Variants in AGPAT3 observed in about 807,000 individuals in gnomAD.
The protein encoded by AGPAT3 is 1-acylglycerol-3-phosphate O-acyltransferase 3, also known as 1-acyl-sn-glycerol-3-phosphate acyltransferase gamma.
In AGPAT3, 5 loss-of-function variants were observed where a neutral mutation model predicts 47.3. That is an observed-to-expected ratio of 0.11 (90% CI 0.06 to 0.22). The LOEUF is 0.22. AGPAT3 is among the 10% of genes least tolerant of loss of function. The pLI is 1.00. For missense variants in AGPAT3, 315 were observed against 493.0 expected (o/e 0.64, Z 3.42); for synonymous variants, 212 against 208.3 (o/e 1.02, Z -0.15).
intron 8 of AGPAT3, among the ~76,000 whole-genome samples, chr21:43,979,313 AAAAGAAAGAAAAAAAAAG>A (rs2089751567): frequency 6.9e-6 from 1 of 145,820 alleles, no homozygotes; most frequent in Non-Finnish European, 1.5e-5. Context: ...AAAAAAAAAA[AAAAGAAAGAAAAAAAAAG>A]AAAGAAAAAA....
chr21:43,970,685 G>A lies in AGPAT3; in HGVS notation c.543G>A (p.Thr181=), dbSNP rs368864417. 6.8e-6 allele frequency: 11 copies of A among 1,613,774 alleles called. No homozygotes were observed. The highest frequency in any genetic ancestry group is 4.5e-5 in the East Asian group (2 of 44,858). ...FLLYCEGTRF[T]ETKHRVSMEV... ...TGTACTGCGAGGGGACGCGCTTCAC[G>A]GAGACCAAGCACCGCGTTAGCATGG... is the stretch of plus-strand genomic sequence containing the variant. The change falls in exon 6 of 10, where the codon ACG becomes ACA. Residue 181 remains threonine, a synonymous_variant. Coordinates refer to ENST00000291572, the MANE Select transcript of AGPAT3 (RefSeq NM_020132.5). The surrounding 1 kb of genome is among the most constrained non-coding windows in gnomAD (Gnocchi z 5.8).
intron 5 of AGPAT3, among the ~76,000 whole-genome samples, chr21:43,969,516 T>C (rs562946898): frequency 3.0e-4 from 45 of 152,312 alleles, no homozygotes; most frequent in Admixed American, 2.5e-3. Flanking sequence ...TAAGGGGATC[T>C]GGCCGGGGGA....
chr21:43,966,484 C>T (rs941531371), intron 3 of AGPAT3: 5 of 152,286 alleles, frequency 3.3e-5, no homozygotes, highest in African/African-American at 1.2e-4. Flanking sequence ...TGACCTTTCT[C>T]TTTTAAAGGA....
rs961398954 is a variant in AGPAT3 at position 43,939,044 on chromosome 21, A to G, written c.-48-20590A>G. ...CTCAGTCCACAGTTTCCCACAGAGC[A>G]CGCAGGGGCCGCACCAGGGCTGGGA... On this transcript the variant is annotated intron_variant, in intron 2 of 9. Transcript: ENST00000291572. The surrounding 1 kb of genome is among the most constrained non-coding windows in gnomAD (Gnocchi z 4.4). Among the ~76,000 whole-genome samples, 5 of 152,174 alleles carry G rather than the reference A, an allele frequency of 3.3e-5. No homozygotes were observed. The highest frequency in any genetic ancestry group is 1.2e-4 in the African/African-American group (5 of 41,442).
rs1185496006 is a variant in AGPAT3, at chr21:43,958,965, G to GGT, written c.-48-661_-48-660dup. Among the ~76,000 whole-genome samples the GGT allele has an allele frequency of 7.1e-5, 9 of 127,590 alleles. No homozygotes were observed. The East Asian group carries it at 2.2e-3, about 31-fold the overall frequency. 83.7% of individuals were successfully genotyped at this position (127,590 alleles called of 152,430 possible). ...GTGTGTGGCGTGTATGTGGTTTTGC[G>GGT]GTGTGTGTGGCATGTGTGTGGTTTG... On this transcript the variant is annotated intron_variant, in intron 2 of 9. Transcript: ENST00000291572.
In AGPAT3 at chr21:43,934,218, C is replaced by G. The variant is rs1309878126; in HGVS notation, c.-48-25416C>G. On this transcript the variant is annotated intron_variant, in intron 2 of 9. Transcript: ENST00000291572. This position sits in a 1 kb window ranked among gnomAD's most constrained non-coding sequence, Gnocchi z 4.7. Reference sequence around the variant, plus strand: ...CTCCCATATGCCAGTCCCCTGAGAACCAGCTCCCTGAGCACGCCAGCCCCC... The same window carrying G: ...CTCCCATATGCCAGTCCCCTGAGAAGCAGCTCCCTGAGCACGCCAGCCCCC... Among the ~76,000 whole-genome samples the G allele has an allele frequency of 6.6e-6, 1 of 152,240 alleles. No homozygotes were observed. The highest frequency in any genetic ancestry group is 2.4e-5 in the African/African-American group (1 of 41,470).
chr21:43,926,390 G>A (rs1459673236), intron 2 of AGPAT3, among the ~76,000 whole-genome samples: 1 of 152,204 alleles, frequency 6.6e-6, no homozygotes, highest in Admixed American at 6.5e-5. Flanking sequence ...CAGCGGGGTG[G>A]TCCAGCAGGG....
intron 1 of AGPAT3, among the ~76,000 whole-genome samples, chr21:43,876,532 AG>A (rs1011430994): frequency 6.6e-6 from 1 of 152,260 alleles, no homozygotes; most frequent in African/African-American, 2.4e-5. Context: ...GGGCTCACAA[AG>A]GGGATGTCTA....
chr21:43,944,529 C>T (rs989037204), intron 2 of AGPAT3, among the ~76,000 whole-genome samples: 2 of 152,176 alleles, frequency 1.3e-5, no homozygotes, highest in Non-Finnish European at 2.9e-5. Context: ...CCAGCAAGGC[C>T]GCCCCTCCTC....
At chr21:43,885,636 G>A (rs2085958649) in intron 1 of AGPAT3, among the ~76,000 whole-genome samples, 1 of 152,032 alleles carries the variant, frequency 6.6e-6, no homozygotes. Flanking sequence ...CACCCGCCTT[G>A]GCCTCCCAAA....
intron 1 of AGPAT3, among the ~76,000 whole-genome samples, chr21:43,875,736 T>G (rs912606599): frequency 1.3e-5 from 2 of 152,074 alleles, no homozygotes; most frequent in African/African-American, 4.8e-5. Flanking sequence ...GCCTGAAGAG[T>G]AGCTGGGATT....
Position 43,912,582 on chromosome 21 carries a change from G to A in AGPAT3, c.-49+8563G>A, listed in dbSNP as rs2086651350. ...TGCAGGAAGTGCCCTGAGGAACGGGGCCTCATGCCTACTTCTTTCTTAATC... is the reference window on the plus strand; with the variant it reads ...TGCAGGAAGTGCCCTGAGGAACGGGACCTCATGCCTACTTCTTTCTTAATC... On this transcript the variant is annotated intron_variant, in intron 2 of 9. Transcript: ENST00000291572. Among the ~76,000 whole-genome samples, 5 of 152,238 alleles carry A rather than the reference G, an allele frequency of 3.3e-5. No individual in the cohort carries two copies. In the South Asian group the frequency reaches 1.0e-3, roughly 32 times the overall value.
rs1310982935 is a variant in AGPAT3, at chr21:43,923,092, G to A, written c.-49+19073G>A. On this transcript the variant is annotated intron_variant, in intron 2 of 9. Coordinates refer to ENST00000291572, the MANE Select transcript of AGPAT3 (RefSeq NM_020132.5). ...GGAGAACAAACCCAGAGAGCACTGG[G>A]TTCTTTCCTAGAGGGGATGGAATCC... Among the ~76,000 whole-genome samples the A allele has an allele frequency of 2.6e-5, 4 of 152,204 alleles. No homozygotes were observed. The East Asian group carries it at 7.7e-4, about 29-fold the overall frequency.
intron 2 of AGPAT3, among the ~76,000 whole-genome samples, chr21:43,959,024 G>A (rs1189596596): frequency 7.4e-6 from 1 of 135,676 alleles, no homozygotes; most frequent in South Asian, 2.4e-4. Context: ...GGTTTGCAGT[G>A]TGGTGTGTGT....
chr21:43,878,333 T>C (rs1485959837), intron 1 of AGPAT3, among the ~76,000 whole-genome samples: 1 of 152,238 alleles, frequency 6.6e-6, no homozygotes, highest in Non-Finnish European at 1.5e-5. Context: ...ACACACTTAA[T>C]GCACAACGGA....
At chr21:43,899,892 C>T (rs530124226) in intron 1 of AGPAT3, among the ~76,000 whole-genome samples, 27 of 152,154 alleles carry the variant, frequency 1.8e-4, no homozygotes, top group Non-Finnish European at 3.4e-4. Flanking sequence ...TGGGAAGAGG[C>T]GATGAACTGA....
At chr21:43,931,302 T>C (rs1048817225) in intron 2 of AGPAT3, among the ~76,000 whole-genome samples, 11 of 152,272 alleles carry the variant, frequency 7.2e-5, no homozygotes, top group Non-Finnish European at 1.6e-4. Context: ...GTCACTGGCA[T>C]GAGAAAGGAA....
chr21:43,981,850 G>A lies in AGPAT3; in HGVS notation c.1043-454G>A, dbSNP rs576687691. Among the ~76,000 whole-genome samples, 51 of 152,312 alleles carry A rather than the reference G, an allele frequency of 3.3e-4. 1 individual carries two copies. The highest frequency in any genetic ancestry group is 1.1e-3 in the African/African-American group (46 of 41,558). On this transcript the variant is annotated intron_variant, in intron 9 of 9. Coordinates refer to ENST00000291572, the MANE Select transcript of AGPAT3 (RefSeq NM_020132.5). This position sits in a 1 kb window ranked among gnomAD's most constrained non-coding sequence, Gnocchi z 5.3. Reference sequence around the variant, plus strand: ...GGGGCCTTGGTGGGAGGGGTCCTGAGAGGCAGTGACTGCCACCAGCCTCTC... The same window carrying A: ...GGGGCCTTGGTGGGAGGGGTCCTGAAAGGCAGTGACTGCCACCAGCCTCTC...
rs936431566 is a variant in AGPAT3 at position 43,930,006 on chromosome 21, G to T, written c.-49+25987G>T. Among the ~76,000 whole-genome samples the T allele has an allele frequency of 6.6e-6, 1 of 152,250 alleles. No individual in the cohort carries two copies. The highest frequency in any genetic ancestry group is 2.4e-5 in the African/African-American group (1 of 41,468). On this transcript the variant is annotated intron_variant, in intron 2 of 9. Coordinates refer to ENST00000291572, the MANE Select transcript of AGPAT3 (RefSeq NM_020132.5). This position sits in a 1 kb window ranked among gnomAD's most constrained non-coding sequence, Gnocchi z 5.0. ...ACCGACAGCCCAGGCGTGCCGGAGA[G>T]AGAGGACTTGAGTGACTGTCCTCCT...
Sources: gnomAD v4.1 joint callset for allele counts (sites outside exome capture counted in the v4.1 genomes callset) on GRCh38, gnomAD v4.1.1 for gene constraint, Gnocchi (gnomAD v3.1) non-coding constraint, MANE v1.5 for transcripts, NCBI Gene and HGNC (gene_info 2026-07-23, HGNC 2026-07-21) for gene names.